The following CROCC2 variants were observed in gnomAD, a reference collection of about 807,000 sequenced individuals.
CROCC2 encodes ciliary rootlet coiled-coil protein 2.
Under a neutral mutation model 177.6 loss-of-function variants are expected in CROCC2, and 163 were observed. The observed-to-expected ratio is 0.92, with a 90% CI of 0.81 to 1.05. The LOEUF (loss-of-function observed/expected upper bound fraction) is 1.05. CROCC2 is among the 50% of genes least tolerant of loss of function. The pLI, the probability that CROCC2 is intolerant of heterozygous loss-of-function variation, is 0.00. For synonymous variants in CROCC2, 904 were observed against 787.3 expected (o/e 1.15, Z -2.48); for missense variants, 1,929 against 1,797.8 (o/e 1.07, Z -1.32).
At chr2:240,944,677 C>T (rs1028788627) in intron 14 of CROCC2, among the ~76,000 whole-genome samples, 1 of 151,902 alleles carries the variant, frequency 6.6e-6, no homozygotes, top group African/African-American at 2.4e-5. Flanking sequence ...AACTTTACGT[C>T]TTGCTATCCA....
chr2:240,915,903 C>T (rs879737120), intron 1 of CROCC2, among the ~76,000 whole-genome samples: 8 of 152,192 alleles, frequency 5.3e-5, no homozygotes, highest in Admixed American at 3.9e-4. Context: ...GGAAAGTGAC[C>T]TCCAGCCCTG....
At chr2:240,941,434 A>G (rs540876190) in intron 14 of CROCC2, among the ~76,000 whole-genome samples, 1 of 152,348 alleles carries the variant, frequency 6.6e-6, no homozygotes, top group South Asian at 2.1e-4. Context: ...AAACTATACT[A>G]TAAGGTAACA....
In CROCC2 at chr2:240,932,784, G is replaced by T; in HGVS notation, c.1127G>T (p.Ser376Ile). 7.1e-7 allele frequency: 1 copy of T among 1,411,866 alleles called. No homozygotes were observed. Among genetic ancestry groups the T allele is most frequent in the Non-Finnish European group, 9.8e-7 (1 of 1,022,012 alleles). 87.5% of individuals were successfully genotyped at this position (1,411,866 alleles called of 1,614,324 possible). Residue 376 changes from serine (S) to isoleucine (I), a missense_variant, in exon 9 of 32, where the codon AGC becomes ATC. Ser to Ile is a moderately radical substitution (Grantham distance 142). This residue lies in a region of CROCC2 where 1,397 missense variants were observed against 1,239.9 expected (regional missense o/e 1.13). Coordinates refer to ENST00000690015, the MANE Select transcript of CROCC2 (RefSeq NM_001351305.2). ...GGGGAGCCACGGCGCCCACTGAGGA[G>T]CCCCCAACGTGCCACATCCCCCCAT... Reference protein sequence around the residue: ...ELGEPRRPLRSPQRATSPHQG... With the variant: ...ELGEPRRPLRIPQRATSPHQG...
rs564266551 is a variant in CROCC2, at chr2:240,974,055, C to T, written c.4401+5793C>T. 5.9e-5 allele frequency among the ~76,000 whole-genome samples: 9 copies of T among 152,326 alleles called. No homozygotes were observed. In the East Asian group the frequency reaches 7.7e-4, roughly 13 times the overall value. ...TGTAACTTATCTTACACATTCAATA[C>T]GTTGCCAAAGACCTGCACATACGTC... On this transcript the variant is annotated intron_variant, in intron 27 of 31. Transcript: ENST00000690015.
intron 14 of CROCC2, among the ~76,000 whole-genome samples, chr2:240,942,188 C>G (rs980349481): frequency 6.6e-6 from 1 of 152,190 alleles, no homozygotes; most frequent in South Asian, 2.1e-4. Flanking sequence ...CTCTTCCATA[C>G]TTTTTGCTCT....
At chr2:240,985,873 G>A (rs949156940) in intron 28 of CROCC2, 5 of 445,062 alleles carry the variant, frequency 1.1e-5, no homozygotes, top group African/African-American at 1.0e-4. Context: ...CCCACAGCAG[G>A]GTCTGGGTGC....
chr2:240,942,036 T>C (rs1453182434), intron 14 of CROCC2, among the ~76,000 whole-genome samples: 2 of 152,218 alleles, frequency 1.3e-5, no homozygotes, highest in Non-Finnish European at 2.9e-5. Context: ...TAGTCCTTGA[T>C]AGACAGCTGA....
At chr2:240,939,828 G>A (rs2059486988) in intron 14 of CROCC2, among the ~76,000 whole-genome samples, 1 of 151,936 alleles carries the variant, frequency 6.6e-6, no homozygotes, top group African/African-American at 2.4e-5. Context: ...GACATATATG[G>A]CCTAACTTCC....
chr2:240,988,939 G>T (rs924555364), intron 29 of CROCC2, 69 bp downstream of exon 29: 32 of 1,330,834 alleles, frequency 2.4e-5, no homozygotes, highest in Non-Finnish European at 3.1e-5. Flanking sequence ...ATCCAGGAGG[G>T]TGTCAGTTCC....
rs549822486 is a variant in CROCC2, at chr2:240,965,953, C to T, written c.3921C>T (p.Ser1307=). The change falls in exon 24 of 32, where the codon AGC becomes AGT. Residue 1307 remains serine, a synonymous_variant. Coordinates refer to ENST00000690015, the MANE Select transcript of CROCC2 (RefSeq NM_001351305.2). ...LRRGLGLQRQ[S]PWASPEQPGS... The stretch of plus-strand genomic sequence containing the variant: ...GTGGCCTGGGGCTCCAGAGACAGAG[C>T]CCGTGGGCCTCCCCGGAGCAGCCTG... 3.6e-6 allele frequency: 5 copies of T among 1,396,410 alleles called. No homozygotes were observed. In the East Asian group the frequency reaches 1.1e-4, roughly 31 times the overall value. The allele number at this position is 1,396,410 out of a possible 1,614,324, so 86.5% of individuals were successfully genotyped here.
chr2:240,909,781 T>A (rs569412291), intron 1 of CROCC2, among the ~76,000 whole-genome samples: 2 of 152,278 alleles, frequency 1.3e-5, no homozygotes, highest in East Asian at 3.9e-4. Context: ...GTGATTGAGA[T>A]CTTGATGCCA....
chr2:240,952,889 G>T (rs924023996), intron 18 of CROCC2, among the ~76,000 whole-genome samples: 4 of 152,168 alleles, frequency 2.6e-5, no homozygotes, highest in African/African-American at 9.7e-5. Context: ...GAGGAGAAAG[G>T]TAAGTTCAAA....
chr2:240,930,816 G>A, intron 6 of CROCC2, 115 bp from the exon 7 acceptor site: 1 of 600,484 alleles, frequency 1.7e-6, no homozygotes, highest in Non-Finnish European at 3.0e-6. Context: ...GCCATGCAGT[G>A]GGGGCTTCTC....
intron 27 of CROCC2, among the ~76,000 whole-genome samples, chr2:240,976,240 G>A (rs866421738): frequency 6.6e-5 from 7 of 105,646 alleles, no homozygotes; most frequent in South Asian, 3.1e-4. Flanking sequence ...TCCCTGCTCA[G>A]TCTCTGGGGT....
rs556349377 is a variant in CROCC2 at position 240,965,294 on chromosome 2, C to T, written c.3466-87C>T. The T allele has an allele frequency of 4.2e-5, 64 of 1,511,760 alleles. No individual in the cohort carries two copies. The Admixed American group carries it at 4.6e-4, about 11-fold the overall frequency. 93.6% of individuals were successfully genotyped at this position (1,511,760 alleles called of 1,614,324 possible). On this transcript the variant is annotated intron_variant, in intron 22 of 31. Coordinates refer to ENST00000690015, the MANE Select transcript of CROCC2 (RefSeq NM_001351305.2). ...AGTGTGGCCAGCTGCCCTCAAGGGA[C>T]GTGTGAGCGGAGGCAGGAGGCAGGG...
chr2:240,969,038 G>A (rs912785747), intron 27 of CROCC2, among the ~76,000 whole-genome samples: 4 of 152,222 alleles, frequency 2.6e-5, no homozygotes, highest in African/African-American at 9.6e-5. Context: ...AGAACAGCGT[G>A]CCTGGCTGAG....
chr2:240,943,310 A>T lies in CROCC2; in HGVS notation c.2170-2750A>T, dbSNP rs73107816. On this transcript the variant is annotated intron_variant, in intron 14 of 31. Coordinates refer to ENST00000690015, the MANE Select transcript of CROCC2 (RefSeq NM_001351305.2). ...CGCTCAGCCAGCAGTACCATTTTTTAAAATCGCAATATACAATCTCAGGCT... is the reference window on the plus strand; with the variant it reads ...CGCTCAGCCAGCAGTACCATTTTTTTAAATCGCAATATACAATCTCAGGCT... Among the ~76,000 whole-genome samples the T allele has an allele frequency of 9.4e-3, 1,425 of 151,982 alleles. 13 individuals are homozygous for T. The highest frequency in any genetic ancestry group is 0.032 in the African/African-American group (1,343 of 41,438).
At chr2:240,930,117 G>T (rs1449265916) in intron 5 of CROCC2, 49 bp from the exon 6 acceptor site, 4 of 532,192 alleles carry the variant, frequency 7.5e-6, no homozygotes, top group African/African-American at 1.9e-5. Context: ...GCTTCAGGGA[G>T]GGTAAAGGGG....
At chr2:240,928,806 G>T (rs2059410468) in intron 5 of CROCC2, among the ~76,000 whole-genome samples, 1 of 151,928 alleles carries the variant, frequency 6.6e-6, no homozygotes, top group African/African-American at 2.4e-5. Flanking sequence ...CGGGCTCAGA[G>T]GAGCATGCCC....
Sources: allele counts gnomAD v4.1 joint callset (sites outside exome capture counted in the v4.1 genomes callset), GRCh38; gene constraint gnomAD v4.1.1; regional missense constraint gnomAD v4.1.1; transcripts MANE v1.5; gene names NCBI Gene and HGNC (gene_info 2026-07-23, HGNC 2026-07-21).